GDA: variants seen among roughly 807,000 people sequenced by gnomAD.
GDA encodes guanine deaminase.
GDA carries 18 observed loss-of-function variants against 59.6 expected under a neutral mutation model. The observed-to-expected ratio is 0.30, with a 90% CI of 0.21 to 0.45. The LOEUF is 0.45. GDA is among the 20% of genes least tolerant of loss of function. The probability of loss-of-function intolerance (pLI) is 1.00; values close to 1 mark genes in which losing one functional copy is unlikely to be tolerated. For missense variants in GDA, 427 were observed against 552.3 expected, an observed-to-expected ratio of 0.77 and a Z score of 2.27; for synonymous variants, 201 against 201.1, an observed-to-expected ratio of 1.00 and a Z score of 0.00.
intron 6 of GDA, among the ~76,000 whole-genome samples, chr9:72,219,791 GA>G (rs1836620355): frequency 6.6e-6 from 1 of 152,076 alleles, no homozygotes; most frequent in Admixed American, 6.6e-5. Flanking sequence ...TTGATTATTA[GA>G]ATCAAATTTG....
At chr9:72,178,061 G>A (rs1252042025) in intron 1 of GDA, among the ~76,000 whole-genome samples, 2 of 152,160 alleles carry the variant, frequency 1.3e-5, no homozygotes, top group Non-Finnish European at 2.9e-5. Flanking sequence ...GTTTACTGCT[G>A]GGAAGCAAGG....
intron 1 of GDA, among the ~76,000 whole-genome samples, chr9:72,122,176 C>T (rs1206039919): frequency 6.6e-6 from 1 of 152,200 alleles, no homozygotes; most frequent in East Asian, 1.9e-4. Flanking sequence ...GACTTTCAGA[C>T]ATGAGAATCT....
At chr9:72,159,875 A>G (rs1263189005) in intron 1 of GDA, among the ~76,000 whole-genome samples, 1 of 152,176 alleles carries the variant, frequency 6.6e-6, no homozygotes, top group African/African-American at 2.4e-5. Flanking sequence ...TAAAATTTGT[A>G]TTCTTTTTCT....
rs773887314 is a variant in GDA, at chr9:72,225,662, AT to A, written c.715-8del. The A allele has an allele frequency of 6.0e-6, 7 of 1,171,764 alleles. No individual in the cohort carries two copies. Among genetic ancestry groups the A allele is most frequent in the African/African-American group, 1.5e-5 (1 of 65,062 alleles). The allele number at this position is 1,171,764 out of a possible 1,614,324, so 72.6% of individuals were successfully genotyped here. ...TTTACAGAAGAAAAATGAAAATATT[AT>A]TTTTTTCTTGTAGAGCCATATAAGT... On this transcript the variant is annotated splice_polypyrimidine_tract_variant and intron_variant, in intron 7 of 13. Transcript: ENST00000358399.
chr9:72,234,958 C>G (rs1351639114), intron 10 of GDA, among the ~76,000 whole-genome samples: 1 of 152,108 alleles, frequency 6.6e-6, no homozygotes, highest in African/African-American at 2.4e-5. Context: ...AAATTCTCAG[C>G]TATACAAAAA....
At chr9:72,118,327 AAATT>A (rs1177209378) in intron 1 of GDA, among the ~76,000 whole-genome samples, 6 of 151,932 alleles carry the variant, frequency 3.9e-5, no homozygotes, top group Non-Finnish European at 8.8e-5. Flanking sequence ...CAAAGAAAGA[AAATT>A]AATTCCTTAC....
chr9:72,166,022 C>T (rs558032254), intron 1 of GDA, among the ~76,000 whole-genome samples: 1 of 152,176 alleles, frequency 6.6e-6, no homozygotes, highest in East Asian at 1.9e-4. Flanking sequence ...GGGTGAATGA[C>T]TGTACAATGA....
chr9:72,129,120 A>G (rs996326421), intron 1 of GDA, among the ~76,000 whole-genome samples: 7 of 151,980 alleles, frequency 4.6e-5, no homozygotes, highest in Non-Finnish European at 1.0e-4. Flanking sequence ...GCGCCACCAC[A>G]TCCCGCTAAT....
intron 1 of GDA, among the ~76,000 whole-genome samples, chr9:72,181,907 C>T (rs1831271101): frequency 1.3e-5 from 2 of 152,008 alleles, no homozygotes; most frequent in Non-Finnish European, 2.9e-5. Context: ...CAAAAAGTTA[C>T]AAGAATATAC....
intron 6 of GDA, among the ~76,000 whole-genome samples, chr9:72,220,523 A>G (rs1038833039): frequency 7.9e-5 from 12 of 152,208 alleles, no homozygotes; most frequent in South Asian, 2.1e-4. Flanking sequence ...AGTTGATCCA[A>G]TTTTTATTAG....
chr9:72,184,359 A>G lies in GDA; in HGVS notation c.124-11141A>G, dbSNP rs561231319. Among the ~76,000 whole-genome samples, 621 of 152,212 alleles carry G rather than the reference A, an allele frequency of 4.1e-3. 5 individuals carry two copies. The highest frequency in any genetic ancestry group is 0.014 in the African/African-American group (601 of 41,530). ...GTCCTAAAATTCTTCTGCTCTGCCT[A>G]TTCATCCTTCCCCCTCCAACCCTTG... On this transcript the variant is annotated intron_variant, in intron 1 of 13. Coordinates refer to ENST00000358399, the MANE Select transcript of GDA (RefSeq NM_004293.5).
At chr9:72,136,474 G>C (rs1304362436) in intron 1 of GDA, among the ~76,000 whole-genome samples, 2 of 152,120 alleles carry the variant, frequency 1.3e-5, no homozygotes, top group African/African-American at 2.4e-5. Context: ...ATATTTTCTA[G>C]TATACACTGT....
chr9:72,199,715 C>T (rs943093946), intron 2 of GDA, among the ~76,000 whole-genome samples: 2 of 152,112 alleles, frequency 1.3e-5, no homozygotes, highest in Non-Finnish European at 2.9e-5. Flanking sequence ...ATTCCTGAGG[C>T]CATGCATTTT....
intron 1 of GDA, among the ~76,000 whole-genome samples, chr9:72,178,629 G>T (rs1243687499): frequency 1.3e-5 from 2 of 152,128 alleles, no homozygotes; most frequent in African/African-American, 2.4e-5. Context: ...TGTTGGTCAG[G>T]CTGGTCTCGA....
chr9:72,185,124 T>G (rs927461350), intron 1 of GDA, among the ~76,000 whole-genome samples: 10 of 152,256 alleles, frequency 6.6e-5, no homozygotes, highest in African/African-American at 2.4e-4. Context: ...TATGGTTGAT[T>G]TTGCAATTCA....
intron 1 of GDA, among the ~76,000 whole-genome samples, chr9:72,162,477 G>A (rs1384305993): frequency 1.3e-5 from 2 of 151,938 alleles, no homozygotes; most frequent in Non-Finnish European, 2.9e-5. Context: ...GCAGAGAGAG[G>A]GAGGGGAAAG....
intron 1 of GDA, among the ~76,000 whole-genome samples, chr9:72,165,257 GCATTGGCAAAT>G (rs1829156667): frequency 6.6e-6 from 1 of 152,192 alleles, no homozygotes. Context: ...GGATGCCAAA[GCATTGGCAAAT>G]ATATGTGTCA....
chr9:72,149,755 G>C (rs1156270536), intron 1 of GDA, 73 bp downstream of exon 1: 9 of 1,453,674 alleles, frequency 6.2e-6, no homozygotes, highest in South Asian at 5.5e-5. Context: ...GCGGTGCTTC[G>C]CGTAGCCCGG....
intron 1 of GDA, among the ~76,000 whole-genome samples, chr9:72,187,329 A>G (rs373788025): frequency 1.3e-5 from 2 of 152,158 alleles, no homozygotes; most frequent in East Asian, 3.9e-4. Flanking sequence ...TCTTGTTACC[A>G]TAGTAGTGGT....
Sources: gnomAD v4.1 joint callset for allele counts (sites outside exome capture counted in the v4.1 genomes callset) on GRCh38, gnomAD v4.1.1 for gene constraint, MANE v1.5 for transcripts, NCBI Gene and HGNC (gene_info 2026-07-23, HGNC 2026-07-21) for gene names.